Variants in TLK1 observed in about 807,000 individuals in gnomAD.
TLK1 encodes the protein tousled like kinase 1.
In TLK1, 24 loss-of-function variants were observed where a neutral mutation model predicts 105.3. The ratio of observed to expected loss-of-function variants is 0.23; its 90% CI spans 0.17 to 0.32. TLK1 has a LOEUF of 0.32. TLK1 is among the 10% of genes least tolerant of loss of function. TLK1 has a pLI of 1.00. For synonymous variants in TLK1, 321 were observed against 310.4 expected (o/e 1.03, Z -0.36); for missense variants, 558 against 910.5 (o/e 0.61, Z 4.98).
At chr2:171,078,217 C>A (rs1688599990) in intron 3 of TLK1, among the ~76,000 whole-genome samples, 1 of 152,106 alleles carries the variant, frequency 6.6e-6, no homozygotes, top group Non-Finnish European at 1.5e-5. Context: ...TCCAAGTCAT[C>A]AAACCCTACT....
intron 11 of TLK1, among the ~76,000 whole-genome samples, chr2:171,030,747 GT>G (rs1393502737): frequency 5.3e-5 from 8 of 152,024 alleles, no homozygotes; most frequent in Non-Finnish European, 1.0e-4. Flanking sequence ...ATTTAAATTT[GT>G]TTTCTTTCTA....
intron 2 of TLK1, among the ~76,000 whole-genome samples, chr2:171,102,945 TA>T (rs1431396115): frequency 1.3e-5 from 2 of 151,862 alleles, no homozygotes; most frequent in Admixed American, 6.6e-5. Context: ...GTTGTAGTAT[TA>T]AAAAAAAGAA....
chr2:171,185,325 T>C (rs1693007084), intron 1 of TLK1, among the ~76,000 whole-genome samples: 1 of 152,184 alleles, frequency 6.6e-6, no homozygotes, highest in Non-Finnish European at 1.5e-5. Flanking sequence ...TCTAGGATGA[T>C]GTAAAAATGC....
intron 1 of TLK1, among the ~76,000 whole-genome samples, chr2:171,143,053 G>A (rs1691647131): frequency 6.6e-6 from 1 of 152,110 alleles, no homozygotes; most frequent in South Asian, 2.1e-4. Context: ...TCCAGCCTGC[G>A]CGACAAATCG....
At chr2:171,020,395 C>T (rs1014878879) in intron 12 of TLK1, among the ~76,000 whole-genome samples, 5 of 151,794 alleles carry the variant, frequency 3.3e-5, no homozygotes, top group Admixed American at 3.3e-4. Context: ...TATAAATTAG[C>T]CGGGCATGGT....
intron 3 of TLK1, among the ~76,000 whole-genome samples, chr2:171,064,556 C>CT (rs1687902895): frequency 6.6e-6 from 1 of 152,126 alleles, no homozygotes; most frequent in Non-Finnish European, 1.5e-5. Context: ...TCATTTCTTT[C>CT]TTTTATTCTC....
At position 171,101,831 on chromosome 2, in the gene TLK1, A is replaced by T. The variant is rs557404368; in HGVS notation, c.258+15908T>A. On this transcript the variant is annotated intron_variant, in intron 2 of 20. Coordinates refer to ENST00000431350, the MANE Select transcript of TLK1 (RefSeq NM_012290.5). ...AAAAACACCCATGAGACATTGTTTT[A>T]AAAAATATAAAAGCAACACAGGCAC... Among the ~76,000 whole-genome samples the T allele has an allele frequency of 5.3e-5, 8 of 152,284 alleles. No individual in the cohort carries two copies. In the South Asian group the frequency reaches 1.5e-3, roughly 28 times the overall value.
chr2:171,007,829 T>C lies in TLK1; in HGVS notation c.1417-766A>G, dbSNP rs1022957840. Among the ~76,000 whole-genome samples the C allele has an allele frequency of 4.6e-5, 7 of 152,144 alleles. No homozygotes were observed. In the East Asian group the frequency reaches 1.2e-3, roughly 25 times the overall value. ...CATCTAATACCTAACCTGTCTTCAA[T>C]TTTCCCTGGTTGTCTCAAAAAGAAT... is the stretch of plus-strand genomic sequence containing the variant. On this transcript the variant is annotated intron_variant, in intron 14 of 20. Transcript: ENST00000431350.
At chr2:171,167,697 C>T (rs1692634993) in intron 1 of TLK1, among the ~76,000 whole-genome samples, 1 of 152,046 alleles carries the variant, frequency 6.6e-6, no homozygotes, top group South Asian at 2.1e-4. Context: ...CCATACACAA[C>T]AAAAACTGGA....
chr2:171,090,628 G>A (rs1689188206), intron 2 of TLK1, among the ~76,000 whole-genome samples: 1 of 152,140 alleles, frequency 6.6e-6, no homozygotes, highest in Non-Finnish European at 1.5e-5. Context: ...CTAAAATCAT[G>A]TATTTAAAAA....
intron 1 of TLK1, among the ~76,000 whole-genome samples, chr2:171,127,146 G>A (rs192278034): frequency 5.3e-5 from 8 of 151,796 alleles, no homozygotes; most frequent in African/African-American, 9.7e-5. Flanking sequence ...GCGTGGTGGT[G>A]CACACCTGTG....
intron 1 of TLK1, among the ~76,000 whole-genome samples, chr2:171,228,340 G>A (rs980682638): frequency 7.2e-5 from 11 of 152,166 alleles, no homozygotes; most frequent in Non-Finnish European, 1.5e-4. Flanking sequence ...GATCACCTAA[G>A]GCTAGGAATT....
At chr2:171,152,156 G>A (rs1447729097) in intron 1 of TLK1, among the ~76,000 whole-genome samples, 1 of 152,130 alleles carries the variant, frequency 6.6e-6, no homozygotes, top group Non-Finnish European at 1.5e-5. Context: ...CAGCTAATTA[G>A]TTTTCAAGGA....
At chr2:170,996,376 GTAA>G (rs1684062568) in intron 20 of TLK1, among the ~76,000 whole-genome samples, 1 of 152,106 alleles carries the variant, frequency 6.6e-6, no homozygotes, top group Non-Finnish European at 1.5e-5. Context: ...TACATAAAAG[GTAA>G]TGATGAGCCC....
At position 171,153,046 on chromosome 2, in the gene TLK1, AG is replaced by A. The variant is rs11363053; in HGVS notation, c.139+7243del. On this transcript the variant is annotated intron_variant, in intron 1 of 20. Coordinates refer to ENST00000431350, the MANE Select transcript of TLK1 (RefSeq NM_012290.5). The stretch of plus-strand genomic sequence containing the variant: ...ACTCATGCAAAAAAAAGTTAACAAA[AG>A]TTTAGAAGTAAAATGAATAAGCCTG... Among the ~76,000 whole-genome samples, 1,312 of 152,342 alleles carry A rather than the reference AG, an allele frequency of 8.6e-3. 17 individuals carry two copies. The highest frequency in any genetic ancestry group is 0.029 in the African/African-American group (1,208 of 41,582).
At chr2:171,173,536 C>T (rs2105303647) in intron 1 of TLK1, among the ~76,000 whole-genome samples, 1 of 152,048 alleles carries the variant, frequency 6.6e-6, no homozygotes, top group South Asian at 2.1e-4. Flanking sequence ...TACAAGTGTG[C>T]ACCAGCATGC....
rs771244101 is a variant in TLK1, at chr2:171,053,812, A to G, written c.681T>C (p.Asn227=). The change falls in exon 8 of 21, where the codon AAT becomes AAC. Residue 227 remains asparagine, a synonymous_variant. Coordinates refer to ENST00000431350, the MANE Select transcript of TLK1 (RefSeq NM_012290.5). ...TMLKLAALES[N]KIQDLEKKEG... is the part of the protein sequence containing the mutation. ...CCTTCTTTTCCAGGTCCTGGATTTT[A>G]TTACTTTCTAATGCTGCTAATTTCA... 72 of 1,610,328 alleles carry G rather than the reference A, an allele frequency of 4.5e-5. No homozygotes were observed. In the East Asian group the frequency reaches 1.3e-3, roughly 29 times the overall value.
At chr2:171,075,791 G>A (rs1688475107) in intron 3 of TLK1, among the ~76,000 whole-genome samples, 9 of 152,170 alleles carry the variant, frequency 5.9e-5, no homozygotes, top group Admixed American at 5.2e-4. Flanking sequence ...AAATGAGCTA[G>A]AAGATACATA....
chr2:171,000,870 G>A (rs903218548), intron 18 of TLK1, among the ~76,000 whole-genome samples: 2 of 152,094 alleles, frequency 1.3e-5, no homozygotes. Flanking sequence ...CCTGTTTTCT[G>A]GCAGTGCCTC....
Sources: gnomAD v4.1 joint callset for allele counts (sites outside exome capture counted in the v4.1 genomes callset) on GRCh38, gnomAD v4.1.1 for gene constraint, MANE v1.5 for transcripts, NCBI Gene and HGNC (gene_info 2026-07-23, HGNC 2026-07-21) for gene names.